ADK: variants seen among roughly 807,000 people sequenced by gnomAD.
ADK encodes the protein adenosine kinase, also known as N6,N6-dimethyladenosine kinase.
ADK carries 24 observed loss-of-function variants against 44.7 expected under a neutral mutation model. The ratio of observed to expected loss-of-function variants is 0.54; its 90% CI spans 0.39 to 0.76. The LOEUF (loss-of-function observed/expected upper bound fraction) is 0.76, where lower values mean the gene tolerates loss of function less well. ADK is among the 30% of genes least tolerant of loss of function. ADK has a pLI of 0.00. For synonymous variants in ADK, 128 were observed against 142.6 expected (o/e 0.90, Z 0.73); for missense variants, 321 against 425.1 (o/e 0.76, Z 2.15).
At chr10:74,668,769 A>T (rs1247254386) in intron 9 of ADK, among the ~76,000 whole-genome samples, 1 of 152,110 alleles carries the variant, frequency 6.6e-6, no homozygotes, top group Admixed American at 6.5e-5. Context: ...GCAGTGGCTC[A>T]TGCCTGTAAT....
intron 4 of ADK, among the ~76,000 whole-genome samples, chr10:74,370,215 T>G (rs1019604591): frequency 1.3e-5 from 2 of 152,198 alleles, no homozygotes; most frequent in African/African-American, 4.8e-5. Context: ...AGCCAAAACT[T>G]AAACAATTGT....
At chr10:74,208,699 T>TA (rs1843692772) in intron 2 of ADK, among the ~76,000 whole-genome samples, 1 of 151,834 alleles carries the variant, frequency 6.6e-6, no homozygotes, top group African/African-American at 2.4e-5. Flanking sequence ...AGTATTTAGA[T>TA]AAGTACTATG....
At chr10:74,459,459 G>A (rs1046242873) in intron 6 of ADK, among the ~76,000 whole-genome samples, 2 of 151,886 alleles carry the variant, frequency 1.3e-5, no homozygotes, top group African/African-American at 4.8e-5. Context: ...AGCCGGGTGC[G>A]GTGGCTCATG....
chr10:74,339,714 G>T lies in ADK; in HGVS notation c.273+24969G>T, dbSNP rs150237224. ...TTAGAATAAATCCTAAATCTTAAGT[G>T]TGCAAATAAATTATTCAAAACATGA... On this transcript the variant is annotated intron_variant, in intron 4 of 10. Coordinates refer to ENST00000539909, the MANE Select transcript of ADK (RefSeq NM_006721.4). Among the ~76,000 whole-genome samples the T allele has an allele frequency of 5.1e-3, 775 of 152,268 alleles. 6 individuals are homozygous for T. Among genetic ancestry groups the T allele is most frequent in the Middle Eastern group, 0.027 (8 of 294 alleles).
intron 1 of ADK, among the ~76,000 whole-genome samples, chr10:74,156,625 A>G (rs544344797): frequency 6.6e-6 from 1 of 151,366 alleles, no homozygotes; most frequent in Non-Finnish European, 1.5e-5. Context: ...TAGGTGGGGG[A>G]AAAAAAGTAT....
At chr10:74,336,260 C>A (rs1015572333) in intron 4 of ADK, among the ~76,000 whole-genome samples, 1 of 152,062 alleles carries the variant, frequency 6.6e-6, no homozygotes, top group African/African-American at 2.4e-5. Flanking sequence ...TATGGATATC[C>A]AATTGATCCA....
intron 6 of ADK, among the ~76,000 whole-genome samples, chr10:74,464,515 A>G (rs932809652): frequency 5.9e-5 from 9 of 152,200 alleles, no homozygotes; most frequent in African/African-American, 2.2e-4. Flanking sequence ...AGCCACAGTC[A>G]TGACTCTGCA....
At chr10:74,346,606 TA>T (rs1394993391) in intron 4 of ADK, among the ~76,000 whole-genome samples, 18 of 152,162 alleles carry the variant, frequency 1.2e-4, no homozygotes, top group Admixed American at 1.2e-3. Flanking sequence ...CAGTTTACAG[TA>T]AGGATCGAGT....
chr10:74,238,075 C>A (rs1845040787), intron 3 of ADK, among the ~76,000 whole-genome samples: 1 of 152,108 alleles, frequency 6.6e-6, no homozygotes, highest in South Asian at 2.1e-4. Context: ...GCCTGGGCAA[C>A]AAGAGTGAAA....
intron 7 of ADK, among the ~76,000 whole-genome samples, chr10:74,587,530 A>AT (rs1313194404): frequency 6.6e-6 from 1 of 152,050 alleles, no homozygotes; most frequent in Non-Finnish European, 1.5e-5. Context: ...GCATACATGT[A>AT]TTTTTTTCCC....
intron 8 of ADK, among the ~76,000 whole-genome samples, chr10:74,598,986 C>T (rs771912586): frequency 3.1e-4 from 47 of 152,096 alleles, no homozygotes; most frequent in Non-Finnish European, 5.0e-4. Context: ...TATGTGTACA[C>T]TTATTTAGGT....
At chr10:74,542,178 G>A (rs1474176626) in intron 7 of ADK, among the ~76,000 whole-genome samples, 1 of 152,146 alleles carries the variant, frequency 6.6e-6, no homozygotes, top group East Asian at 1.9e-4. Context: ...GAGGTCACAT[G>A]GTGACCTTGG....
chr10:74,689,739 A>T (rs1246704763), intron 10 of ADK, among the ~76,000 whole-genome samples: 2 of 152,222 alleles, frequency 1.3e-5, no homozygotes, highest in African/African-American at 4.8e-5. Context: ...TGAGCCTGGG[A>T]CATAACCTGT....
chr10:74,396,676 G>A (rs927729919), intron 5 of ADK, among the ~76,000 whole-genome samples: 6 of 152,020 alleles, frequency 3.9e-5, no homozygotes, highest in Non-Finnish European at 4.4e-5. Context: ...TTTTCTGGTC[G>A]GGCATGGCAG....
intron 9 of ADK, among the ~76,000 whole-genome samples, chr10:74,669,330 G>A (rs1564844367): frequency 6.6e-6 from 1 of 152,158 alleles, no homozygotes; most frequent in Non-Finnish European, 1.5e-5. Flanking sequence ...GCAAATTTAT[G>A]ATTTCAGAAG....
intron 7 of ADK, chr10:74,527,997 A>G: frequency 1.2e-6 from 1 of 815,068 alleles, no homozygotes; most frequent in Non-Finnish European, 2.1e-6. Context: ...AGGCACCTGC[A>G]AGAAAAAAGC....
intron 4 of ADK, among the ~76,000 whole-genome samples, chr10:74,319,382 A>G (rs1840736087): frequency 6.6e-6 from 1 of 152,022 alleles, no homozygotes; most frequent in African/African-American, 2.4e-5. Context: ...GCAGATGGCT[A>G]CCCTCTTTCT....
At chr10:74,515,300 T>G (rs1052283183) in intron 6 of ADK, among the ~76,000 whole-genome samples, 2 of 152,122 alleles carry the variant, frequency 1.3e-5, no homozygotes, top group African/African-American at 4.8e-5. Context: ...GTGGCAATGG[T>G]GATGCCACTT....
In ADK at chr10:74,656,193, A is replaced by G. The variant is rs114543372; in HGVS notation, c.878-13990A>G. 1.3e-3 allele frequency: 337 copies of G among 253,826 alleles called. 1 individual carries two copies. Among genetic ancestry groups the G allele is most frequent in the African/African-American group, 7.2e-3 (317 of 43,762 alleles). 15.7% of individuals were successfully genotyped at this position (253,826 alleles called of 1,614,324 possible). Reference sequence around the variant, plus strand: ...TCTGCTCCAGACATTTTGTTCTCGAATCTCTGCAACCCAGGAGAGGCCAGT... The same window carrying G: ...TCTGCTCCAGACATTTTGTTCTCGAGTCTCTGCAACCCAGGAGAGGCCAGT... On this transcript the variant is annotated intron_variant, in intron 9 of 10. Transcript: ENST00000539909.
Sources: gnomAD v4.1 joint callset for allele counts (sites outside exome capture counted in the v4.1 genomes callset) on GRCh38, gnomAD v4.1.1 for gene constraint, MANE v1.5 for transcripts, NCBI Gene and HGNC (gene_info 2026-07-23, HGNC 2026-07-21) for gene names.